The following MYH14 variants were observed in gnomAD, a reference collection of about 807,000 sequenced individuals.
MYH14 encodes myosin-14.
MYH14 carries 123 observed loss-of-function variants against 255.5 expected under a neutral mutation model. The observed-to-expected ratio is 0.48, with a 90% CI of 0.42 to 0.56. The LOEUF (loss-of-function observed/expected upper bound fraction) is 0.56, where lower values mean the gene tolerates loss of function less well. Among genes scored for constraint, MYH14 ranks in the 20% least tolerant of loss-of-function variants. The pLI is 0.00. For missense variants in MYH14, 2,423 were observed against 2,802.3 expected, an observed-to-expected ratio of 0.86 and a Z score of 3.06; for synonymous variants, 1,095 against 1,161.2, an observed-to-expected ratio of 0.94 and a Z score of 1.16.
At position 50,215,919 on chromosome 19, in the gene MYH14, T is replaced by C. The variant is rs189896111; in HGVS notation, c.406-1696T>C. On this transcript the variant is annotated intron_variant, in intron 2 of 42. Transcript: ENST00000642316. ...GTTACCCTACTTTATCACACACAGC[T>C]AGAAAACACATCTGAATTTGAATCC... Among the ~76,000 whole-genome samples the C allele has an allele frequency of 1.1e-3, 162 of 152,330 alleles. 1 individual carries two copies. The highest frequency in any genetic ancestry group is 3.7e-3 in the African/African-American group (152 of 41,576).
At chr19:50,260,231 GC>G (rs1211404681) in intron 19 of MYH14, among the ~76,000 whole-genome samples, 2 of 152,102 alleles carry the variant, frequency 1.3e-5, no homozygotes, top group Non-Finnish European at 2.9e-5. Flanking sequence ...GTTCAAGACA[GC>G]CTGGCCATCA....
chr19:50,286,653 C>T lies in MYH14; in HGVS notation c.4711C>T (p.Leu1571=). The part of the protein sequence containing the change: ...ERQNRALRAE[L]EALLSSKDDV... ...GCAGAACCGGGCCCTGCGGGCTGAGCTGGAGGCACTGCTGAGCAGCAAGGA... is the reference window on the plus strand; with the variant it reads ...GCAGAACCGGGCCCTGCGGGCTGAGTTGGAGGCACTGCTGAGCAGCAAGGA... Residue 1571 remains leucine (L), a synonymous_variant, in exon 34 of 43, where the codon CTG becomes TTG. Transcript: ENST00000642316. 1 of 1,585,750 alleles carries T rather than the reference C, an allele frequency of 6.3e-7. No individual in the cohort carries two copies. Among genetic ancestry groups the T allele is most frequent in the South Asian group, 1.1e-5 (1 of 87,036 alleles).
intron 27 of MYH14, among the ~76,000 whole-genome samples, chr19:50,275,466 C>G (rs2035469511): frequency 6.6e-6 from 1 of 152,214 alleles, no homozygotes; most frequent in Non-Finnish European, 1.5e-5. Context: ...GAGGCAGGAA[C>G]TTACTAAGTG....
rs2032939853 is a variant in MYH14 at position 50,223,424 on chromosome 19, A to G, written c.693+75A>G. 1.4e-5 allele frequency: 14 copies of G among 1,034,748 alleles called. 1 individual carries two copies. Among genetic ancestry groups the G allele is most frequent in the South Asian group, 9.5e-5 (7 of 73,720 alleles). The allele number at this position is 1,034,748 out of a possible 1,614,324, so 64.1% of individuals were successfully genotyped here. On this transcript the variant is annotated intron_variant, in intron 5 of 42. Coordinates refer to ENST00000642316, the MANE Select transcript of MYH14 (RefSeq NM_001145809.2). ...CCTTCCATCTTGGGCTTTCCCCACA[A>G]TTGTCTCTTCCCCTCATGGAGGTCC...
intron 8 of MYH14, 137 bp downstream of exon 8, chr19:50,227,103 C>A: frequency 2.3e-6 from 1 of 443,042 alleles, no homozygotes; most frequent in Non-Finnish European, 4.6e-6. Flanking sequence ...GCGGCATCTG[C>A]ATGGGGAGGG....
At chr19:50,242,495 C>T (rs947187445) in intron 10 of MYH14, among the ~76,000 whole-genome samples, 2 of 152,134 alleles carry the variant, frequency 1.3e-5, no homozygotes, top group East Asian at 3.9e-4. Context: ...TCTCGTGAGA[C>T]TTATTCACTA....
intron 40 of MYH14, 93 bp from the exon 41 acceptor site, chr19:50,306,956 C>A: frequency 1.1e-6 from 1 of 934,820 alleles, no homozygotes; most frequent in Non-Finnish European, 1.7e-6. Context: ...GAAGCCAATC[C>A]AAGAACAAGG....
chr19:50,309,801 T>C lies in MYH14; in HGVS notation c.*11T>C, dbSNP rs766275446. On this transcript the variant is annotated 3_prime_UTR_variant, in exon 43 of 43. Coordinates refer to ENST00000642316, the MANE Select transcript of MYH14 (RefSeq NM_001145809.2). ...GCCCACCCCCAGTGACCCTACCCTG[T>C]CCCCAGATGCACTAACAGATGGGGC... 24 of 1,535,826 alleles carry C rather than the reference T, an allele frequency of 1.6e-5. No homozygotes were observed. In the South Asian group the frequency reaches 2.7e-4, roughly 17 times the overall value.
intron 24 of MYH14, among the ~76,000 whole-genome samples, chr19:50,268,757 C>T (rs962129231): frequency 3.3e-5 from 5 of 152,030 alleles, no homozygotes; most frequent in South Asian, 2.1e-4. Context: ...CAAGTGATAT[C>T]CTCAGCTTCA....
chr19:50,223,198 T>C (rs1186702858), intron 4 of MYH14, 49 bp from the exon 5 acceptor site: 1 of 1,607,798 alleles, frequency 6.2e-7, no homozygotes, highest in East Asian at 2.2e-5. Flanking sequence ...GTGGGGAGCT[T>C]GCCTGAGGTC....
intron 27 of MYH14, among the ~76,000 whole-genome samples, chr19:50,274,312 T>G (rs767003603): frequency 3.3e-5 from 5 of 152,082 alleles, no homozygotes; most frequent in Non-Finnish European, 5.9e-5. Flanking sequence ...TCTCTTTTAT[T>G]GAGCTGGAGT....
rs761801771 is a variant in MYH14, at chr19:50,276,101, C to T, written c.3578C>T (p.Thr1193Ile). 6.2e-6 allele frequency: 10 copies of T among 1,608,268 alleles called. No individual in the cohort carries two copies. In the South Asian group the frequency reaches 1.0e-4, roughly 16 times the overall value. ...EDLESERVAR[T>I]KAEKQRRDLG... ...CTGGAGTCTGAGCGTGTGGCCAGGA[C>T]CAAGGCGGAGAAGCAGCGCCGGGAC... Residue 1193 changes from threonine (T) to isoleucine (I), a missense_variant, in exon 28 of 43, where the codon ACC (threonine) becomes ATC (isoleucine). By Grantham distance (89) the Thr-to-Ile change is moderately conservative. This residue lies in a region of MYH14 where 1,513 missense variants were observed against 1,674.8 expected (regional missense o/e 0.90). Coordinates refer to ENST00000642316, the MANE Select transcript of MYH14 (RefSeq NM_001145809.2). The surrounding 1 kb of genome is among the most constrained non-coding windows in gnomAD (Gnocchi z 4.3).
intron 13 of MYH14, 150 bp downstream of exon 13, chr19:50,249,289 C>T (rs1179455573): frequency 3.1e-6 from 3 of 961,396 alleles, no homozygotes; most frequent in Admixed American, 5.9e-5. Flanking sequence ...CTCTGTCCCC[C>T]TCTCTCTGGG....
At chr19:50,251,488 CAT>C (rs1332732653) in intron 15 of MYH14, among the ~76,000 whole-genome samples, 17 of 142,974 alleles carry the variant, frequency 1.2e-4, no homozygotes, top group African/African-American at 3.1e-4. Context: ...TATATACACA[CAT>C]ATATATATAC....
chr19:50,266,449 C>G lies in MYH14; in HGVS notation c.2695-428C>G, dbSNP rs2035083889. Reference sequence around the variant, plus strand: ...TGGCATACGCCTGTAATCCCAGCTACTCGGGAGGCTGAGGCAGGAGAATCG... The same window carrying G: ...TGGCATACGCCTGTAATCCCAGCTAGTCGGGAGGCTGAGGCAGGAGAATCG... On this transcript the variant is annotated intron_variant, in intron 22 of 42. Transcript: ENST00000642316. This position sits in a 1 kb window ranked among gnomAD's most constrained non-coding sequence, Gnocchi z 4.1. 6.6e-6 allele frequency among the ~76,000 whole-genome samples: 1 copy of G among 152,124 alleles called. No individual in the cohort carries two copies. The highest frequency in any genetic ancestry group is 6.6e-5 in the Admixed American group (1 of 15,264).
chr19:50,260,675 C>T lies in MYH14; in HGVS notation c.2384C>T (p.Pro795Leu), dbSNP rs2034792468. 6.2e-7 allele frequency: 1 copy of T among 1,613,484 alleles called. No homozygotes were observed. The highest frequency in any genetic ancestry group is 1.7e-5 in the Admixed American group (1 of 59,938). ...RYEILTPNAI[P>L]KGFMDGKQAC... ...GAGATCCTGACACCCAATGCCATCC[C>T]CAAGGGCTTCATGGATGGGAAGCAG... Residue 795 changes from proline (P) to leucine (L), a missense_variant, in exon 20 of 43, where the codon CCC becomes CTC. This residue lies in a region of MYH14 where 672 missense variants were observed against 881.8 expected (regional missense o/e 0.76). Transcript: ENST00000642316.
At position 50,271,679 on chromosome 19, in the gene MYH14, A is replaced by G. The variant is rs2035307267; in HGVS notation, c.3171+133A>G. 6.2e-6 allele frequency: 9 copies of G among 1,456,998 alleles called. No individual in the cohort carries two copies. In the South Asian group the frequency reaches 9.1e-5, roughly 15 times the overall value. 90.3% of individuals were successfully genotyped at this position (1,456,998 alleles called of 1,614,324 possible). ...GCACCGGTGGGGGTGGGATGGGTCT[A>G]TAGCCCCAAGGGAATGGGAAGGAGA... is the stretch of plus-strand genomic sequence containing the variant. On this transcript the variant is annotated intron_variant, in intron 25 of 42. Coordinates refer to ENST00000642316, the MANE Select transcript of MYH14 (RefSeq NM_001145809.2).
chr19:50,297,276 G>A (rs1224460084), intron 39 of MYH14, among the ~76,000 whole-genome samples: 4 of 151,766 alleles, frequency 2.6e-5, no homozygotes, highest in African/African-American at 7.2e-5. Flanking sequence ...GAGCCACCGC[G>A]CCCGGCCAGG....
At chr19:50,273,505 A>G (rs2123396874) in intron 27 of MYH14, among the ~76,000 whole-genome samples, 1 of 152,126 alleles carries the variant, frequency 6.6e-6, no homozygotes, top group East Asian at 1.9e-4. Context: ...ACTGTGCTTC[A>G]TGCAATCTAA....
Sources: gnomAD v4.1 joint callset for allele counts (sites outside exome capture counted in the v4.1 genomes callset) on GRCh38, gnomAD v4.1.1 for gene constraint, gnomAD v4.1.1 regional missense constraint, Gnocchi (gnomAD v3.1) non-coding constraint, MANE v1.5 for transcripts, NCBI Gene and HGNC (gene_info 2026-07-23, HGNC 2026-07-21) for gene names.